Variants in TENM2 observed in about 807,000 individuals in gnomAD.
TENM2 encodes teneurin-2.
Under a neutral mutation model 245.2 loss-of-function variants are expected in TENM2, and 52 were observed. That is an observed-to-expected ratio of 0.21 (90% CI 0.17 to 0.27). The LOEUF (loss-of-function observed/expected upper bound fraction) is 0.27, where lower values mean the gene tolerates loss of function less well. TENM2 is among the 10% of genes least tolerant of loss of function. The pLI is 1.00. For synonymous variants in TENM2, 1,363 were observed against 1,438.9 expected, an observed-to-expected ratio of 0.95 and a Z score of 1.19; for missense variants, 3,046 against 3,666.8, an observed-to-expected ratio of 0.83 and a Z score of 4.37.
At chr5:167,841,242 G>T (rs1467691079) in intron 2 of TENM2, among the ~76,000 whole-genome samples, 1 of 152,014 alleles carries the variant, frequency 6.6e-6, no homozygotes, top group Non-Finnish European at 1.5e-5. Flanking sequence ...ATTTTTAGTA[G>T]TGATGGGGTT....
intron 2 of TENM2, among the ~76,000 whole-genome samples, chr5:167,479,693 A>G (rs1260279002): frequency 6.6e-6 from 1 of 152,164 alleles, no homozygotes; most frequent in African/African-American, 2.4e-5. Context: ...ATTTATTGGC[A>G]TCACGTTTTT....
the TENM2 span, among the ~76,000 whole-genome samples, chr5:167,155,145 G>A: frequency 6.6e-6 from 1 of 152,208 alleles, no homozygotes; most frequent in East Asian, 1.9e-4. Flanking sequence ...CATGTATACT[G>A]ATTTTGCTGT....
Position 167,908,370 on chromosome 5 carries a change from C to T in TENM2, c.712+32175C>T, listed in dbSNP as rs1175201872. The stretch of plus-strand genomic sequence containing the variant: ...CTCTCCTCCCCTCCCCCCTCTTCTC[C>T]TCTCCCCTCCCTTCCCCTCTCTTCT... On this transcript the variant is annotated intron_variant, in intron 3 of 28. Transcript: ENST00000518659. 1.3e-4 allele frequency among the ~76,000 whole-genome samples: 13 copies of T among 101,666 alleles called. 1 individual carries two copies. The highest frequency in any genetic ancestry group is 4.9e-4 in the African/African-American group (13 of 26,512). The allele number at this position is 101,666 out of a possible 152,430, so 66.7% of individuals were successfully genotyped here.
chr5:168,193,735 C>T (rs1581594433), intron 14 of TENM2, among the ~76,000 whole-genome samples: 3 of 152,170 alleles, frequency 2.0e-5, no homozygotes, highest in South Asian at 2.1e-4. Flanking sequence ...ACCTTGTGGT[C>T]GTCAACACAC....
intron 24 of TENM2, among the ~76,000 whole-genome samples, chr5:168,226,483 A>AT: frequency 6.6e-6 from 1 of 152,086 alleles, no homozygotes; most frequent in East Asian, 1.9e-4. Flanking sequence ...ACCCAGCCAA[A>AT]TGTCTAGATA....
intron 2 of TENM2, among the ~76,000 whole-genome samples, chr5:167,778,056 C>G (rs990315185): frequency 7.9e-5 from 12 of 152,168 alleles, no homozygotes; most frequent in Non-Finnish European, 1.5e-4. Flanking sequence ...ACCACATGGA[C>G]TGCAAAGGGT....
At chr5:167,057,544 C>T in the TENM2 span, among the ~76,000 whole-genome samples, 1 of 152,118 alleles carries the variant, frequency 6.6e-6, no homozygotes, top group Non-Finnish European at 1.5e-5. Context: ...TGAACTTCAT[C>T]AGTGCTTCTC....
intron 2 of TENM2, among the ~76,000 whole-genome samples, chr5:167,507,711 T>TA (rs888863964): frequency 3.3e-5 from 5 of 151,838 alleles, no homozygotes; most frequent in East Asian, 1.9e-4. Context: ...AAAACTAAAA[T>TA]AAAAAAATAA....
chr5:168,242,972 CTT>C (rs758967781), intron 25 of TENM2, among the ~76,000 whole-genome samples: 1 of 150,692 alleles, frequency 6.6e-6, no homozygotes, highest in African/African-American at 2.5e-5. Context: ...AAAAAAAAAA[CTT>C]ATTATTACTA....
At chr5:167,331,042 C>A (rs1757428676) in intron 1 of TENM2, among the ~76,000 whole-genome samples, 1 of 151,820 alleles carries the variant, frequency 6.6e-6, no homozygotes, top group South Asian at 2.1e-4. Context: ...TCAAGACCAG[C>A]CTGACCAACA....
At chr5:167,412,126 C>T (rs940545943) in intron 2 of TENM2, among the ~76,000 whole-genome samples, 1 of 152,092 alleles carries the variant, frequency 6.6e-6, no homozygotes, top group Admixed American at 6.6e-5. Context: ...AGCAGACCAC[C>T]AGGATCCCTC....
At chr5:168,212,675 C>T (rs1762882624) in intron 20 of TENM2, among the ~76,000 whole-genome samples, 1 of 152,180 alleles carries the variant, frequency 6.6e-6, no homozygotes, top group African/African-American at 2.4e-5. Flanking sequence ...GTCTTCTTCT[C>T]AGGCACCCCA....
intron 19 of TENM2, among the ~76,000 whole-genome samples, chr5:168,210,589 A>C (rs1187253441): frequency 1.3e-5 from 2 of 151,416 alleles, no homozygotes; most frequent in Non-Finnish European, 2.9e-5. Context: ...AGAGCTCAGA[A>C]GTTATCAGCA....
intron 3 of TENM2, among the ~76,000 whole-genome samples, chr5:167,899,382 G>A (rs550203738): frequency 3.3e-5 from 5 of 152,282 alleles, no homozygotes; most frequent in Admixed American, 1.3e-4. Flanking sequence ...CAGGCAAGAA[G>A]AAAGCTTGCA....
chr5:168,032,385 TTGAA>T (rs1395331737), intron 5 of TENM2, among the ~76,000 whole-genome samples: 1 of 152,200 alleles, frequency 6.6e-6, no homozygotes. Flanking sequence ...GGTGAATTTA[TTGAA>T]TGAAGTAGAA....
intron 2 of TENM2, among the ~76,000 whole-genome samples, chr5:167,468,144 C>T (rs185882751): frequency 2.0e-5 from 3 of 152,180 alleles, no homozygotes; most frequent in Admixed American, 6.5e-5. Flanking sequence ...ACCATGCTGT[C>T]CAGGCTGGTC....
intron 1 of TENM2, among the ~76,000 whole-genome samples, chr5:167,316,480 T>C (rs193165110): frequency 6.6e-6 from 1 of 152,336 alleles, no homozygotes; most frequent in Non-Finnish European, 1.5e-5. Flanking sequence ...AGTGTTTCTT[T>C]CTTTCTTTCT....
intron 9 of TENM2, among the ~76,000 whole-genome samples, chr5:168,105,557 A>T (rs1794175139): frequency 1.3e-5 from 2 of 152,190 alleles, no homozygotes; most frequent in East Asian, 3.9e-4. Flanking sequence ...CAAAGTTTTT[A>T]AAAAATTCAC....
intron 1 of TENM2, among the ~76,000 whole-genome samples, chr5:167,350,413 A>ATG (rs35747170): frequency 0.31 from 43,773 of 141,606 alleles, 6,986 homozygotes; most frequent in Admixed American, 0.42. Context: ...ATACATATAT[A>ATG]TGTGTGTGTG....
Sources: gnomAD v4.1 joint callset for allele counts (sites outside exome capture counted in the v4.1 genomes callset) on GRCh38, gnomAD v4.1.1 for gene constraint, MANE v1.5 for transcripts, NCBI Gene and HGNC (gene_info 2026-07-23, HGNC 2026-07-21) for gene names.